RBFOX1: variants seen among roughly 807,000 people sequenced by gnomAD.
RBFOX1 encodes RNA binding protein fox-1 homolog 1.
A neutral mutation model predicts 57.7 loss-of-function variants in RBFOX1; 8 were observed. That is an observed-to-expected ratio of 0.14 (90% CI 0.08 to 0.25). RBFOX1 has a LOEUF of 0.25. Among genes scored for constraint, RBFOX1 ranks in the 10% least tolerant of loss-of-function variants. The pLI is 1.00. For synonymous variants in RBFOX1, 326 were observed against 222.4 expected (o/e 1.47, Z -4.15); for missense variants, 611 against 548.5 (o/e 1.11, Z -1.14).
At chr16:5,525,269 G>A (rs2151021027) in intron 2 of RBFOX1, among the ~76,000 whole-genome samples, 2 of 152,222 alleles carry the variant, frequency 1.3e-5, no homozygotes, top group Middle Eastern at 3.4e-3. Flanking sequence ...AGAAGACATG[G>A]GGAGTAATAA....
intron 1 of RBFOX1, among the ~76,000 whole-genome samples, chr16:5,291,369 T>C: frequency 6.6e-6 from 1 of 150,846 alleles, no homozygotes; most frequent in South Asian, 2.1e-4. Context: ...TTCACGCCAT[T>C]CTCCTGCCTC....
intron 11 of RBFOX1, among the ~76,000 whole-genome samples, chr16:7,652,894 A>T (rs1432407406): frequency 6.6e-6 from 1 of 152,212 alleles, no homozygotes; most frequent in Non-Finnish European, 1.5e-5. Flanking sequence ...GAATACTTCA[A>T]TTAGAAGTTT....
chr16:5,447,152 G>A (rs1298216749), intron 1 of RBFOX1, among the ~76,000 whole-genome samples: 2 of 151,972 alleles, frequency 1.3e-5, no homozygotes, highest in Admixed American at 6.6e-5. Context: ...TTTTCACTTC[G>A]CAGCCACCCC....
At chr16:6,683,878 T>C (rs2059037960) in intron 3 of RBFOX1, among the ~76,000 whole-genome samples, 1 of 152,216 alleles carries the variant, frequency 6.6e-6, no homozygotes. Context: ...AACACTTTAT[T>C]TTACACGAAA....
chr16:5,326,482 C>G (rs547992091), intron 1 of RBFOX1, among the ~76,000 whole-genome samples: 1 of 152,170 alleles, frequency 6.6e-6, no homozygotes, highest in African/African-American at 2.4e-5. Context: ...TCAATAATAA[C>G]CTCTTCTGAG....
At chr16:5,874,332 G>A (rs183990838) in intron 4 of RBFOX1, among the ~76,000 whole-genome samples, 81 of 152,282 alleles carry the variant, frequency 5.3e-4, no homozygotes, top group Admixed American at 5.2e-3. Context: ...GATGGCAGAG[G>A]CTTGGGTATA....
chr16:7,477,863 G>T (rs964776242), intron 4 of RBFOX1, among the ~76,000 whole-genome samples: 4 of 152,106 alleles, frequency 2.6e-5, no homozygotes, highest in Non-Finnish European at 5.9e-5. Flanking sequence ...AATATCAGAG[G>T]GCTTTGCTAG....
chr16:7,709,757 G>C (rs967541404), intron 15 of RBFOX1: 2 of 159,292 alleles, frequency 1.3e-5, no homozygotes, highest in East Asian at 2.8e-4. Context: ...GGGAGGGGGT[G>C]GGGGGAGGGT....
intron 4 of RBFOX1, among the ~76,000 whole-genome samples, chr16:7,096,493 T>C (rs533723491): frequency 7.3e-4 from 111 of 152,278 alleles, no homozygotes; most frequent in African/African-American, 2.6e-3. Context: ...CAAGAAGTAG[T>C]AGGCTCTAGG....
intron 3 of RBFOX1, among the ~76,000 whole-genome samples, chr16:6,941,653 A>G (rs1220149175): frequency 1.3e-5 from 2 of 152,024 alleles, no homozygotes; most frequent in Non-Finnish European, 1.5e-5. Context: ...GAATGGGTTT[A>G]TCTATAAAGC....
chr16:5,628,094 C>T (rs919638366), intron 3 of RBFOX1, among the ~76,000 whole-genome samples: 5 of 152,166 alleles, frequency 3.3e-5, no homozygotes, highest in Non-Finnish European at 7.3e-5. Context: ...CTGCCCACCC[C>T]ACCCCAATTA....
intron 4 of RBFOX1, among the ~76,000 whole-genome samples, chr16:7,275,912 G>A (rs1318881785): frequency 2.0e-5 from 3 of 152,156 alleles, no homozygotes; most frequent in Non-Finnish European, 4.4e-5. Flanking sequence ...ACTTGGTGTT[G>A]CTGACTCCCC....
Position 6,227,968 on chromosome 16 carries a change from A to G in RBFOX1, c.-126-89027A>G, listed in dbSNP as rs117522505. ...CATCCAAAGAAAATGAAATCAATAT[A>G]TCGGAGAGATGTCTGCACTCCTGTG... On this transcript the variant is annotated intron_variant, in intron 1 of 15. Coordinates refer to ENST00000550418, the MANE Select transcript of RBFOX1 (RefSeq NM_018723.4). Among the ~76,000 whole-genome samples the G allele has an allele frequency of 3.8e-3, 585 of 152,302 alleles. 2 individuals are homozygous for G. The highest frequency in any genetic ancestry group is 6.0e-3 in the Non-Finnish European group (411 of 68,028).
At chr16:5,276,145 A>G (rs1201132480) in intron 1 of RBFOX1, among the ~76,000 whole-genome samples, 1 of 152,210 alleles carries the variant, frequency 6.6e-6, no homozygotes, top group Non-Finnish European at 1.5e-5. Flanking sequence ...ATAACCAAGA[A>G]CCCAAAAGCA....
At chr16:5,793,311 C>G (rs1419990759) in intron 3 of RBFOX1, among the ~76,000 whole-genome samples, 1 of 152,258 alleles carries the variant, frequency 6.6e-6, no homozygotes, top group Non-Finnish European at 1.5e-5. Context: ...CTCAGCTTAA[C>G]CGTGTTTGTT....
chr16:6,399,901 C>G (rs2092999496), intron 2 of RBFOX1, among the ~76,000 whole-genome samples: 1 of 152,138 alleles, frequency 6.6e-6, no homozygotes, highest in African/African-American at 2.4e-5. Flanking sequence ...AAGGGAGAAG[C>G]CCTTTGTAAA....
chr16:6,861,819 CTTGGTTTTTTTTTTTTTTTTTTT>C (rs1475704228), intron 3 of RBFOX1, among the ~76,000 whole-genome samples: 3 of 106,284 alleles, frequency 2.8e-5, no homozygotes, highest in Non-Finnish European at 3.7e-5. Context: ...GCCAGCGTCC[CTTGGTTTTTTTTTTTTTTTTTTT>C]TTGGTTTTTT....
chr16:6,862,963 C>T (rs995752274), intron 3 of RBFOX1, among the ~76,000 whole-genome samples: 2 of 145,886 alleles, frequency 1.4e-5, no homozygotes, highest in Admixed American at 6.9e-5. Context: ...CCAGCCTGGG[C>T]GACAGAGGGA....
At chr16:7,642,214 G>C (rs975881288) in intron 11 of RBFOX1, among the ~76,000 whole-genome samples, 1 of 152,156 alleles carries the variant, frequency 6.6e-6, no homozygotes, top group African/African-American at 2.4e-5. Flanking sequence ...TTCTATATGG[G>C]TGTTTTGGAG....
Sources: gnomAD v4.1 joint callset for allele counts (sites outside exome capture counted in the v4.1 genomes callset) on GRCh38, gnomAD v4.1.1 for gene constraint, MANE v1.5 for transcripts, NCBI Gene and HGNC (gene_info 2026-07-23, HGNC 2026-07-21) for gene names.